The following CTNND2 variants were observed in gnomAD, a reference collection of about 807,000 sequenced individuals.
CTNND2 encodes catenin delta-2.
Under a neutral mutation model 144.4 loss-of-function variants are expected in CTNND2, and 22 were observed. That is an observed-to-expected ratio of 0.15 (90% CI 0.11 to 0.22). The LOEUF (loss-of-function observed/expected upper bound fraction) is 0.22, where lower values mean the gene tolerates loss of function less well. CTNND2 is among the 10% of genes least tolerant of loss of function. CTNND2 has a pLI of 1.00. For synonymous variants in CTNND2, 751 were observed against 695.6 expected (o/e 1.08, Z -1.25); for missense variants, 1,353 against 1,618.8 (o/e 0.84, Z 2.82).
chr5:11,539,438 T>C lies in CTNND2; in HGVS notation c.287+25506A>G, dbSNP rs185362796. ...TACAGAGCTCTCAGCCCTAATTAAG[T>C]GTGGTGTCCACCTAGCTACTTATCA... On this transcript the variant is annotated intron_variant, in intron 3 of 21. Transcript: ENST00000304623. 5.5e-4 allele frequency among the ~76,000 whole-genome samples: 83 copies of C among 152,292 alleles called. 1 individual carries two copies. The highest frequency in any genetic ancestry group is 4.6e-3 in the South Asian group (22 of 4,830).
At chr5:11,488,216 T>G (rs1769026971) in intron 3 of CTNND2, among the ~76,000 whole-genome samples, 1 of 152,234 alleles carries the variant, frequency 6.6e-6, no homozygotes, top group African/African-American at 2.4e-5. Flanking sequence ...TTAAATTTTT[T>G]TATAACGTTT....
chr5:11,594,806 A>G (rs1261375428), intron 2 of CTNND2, among the ~76,000 whole-genome samples: 17 of 152,214 alleles, frequency 1.1e-4, no homozygotes, highest in Admixed American at 1.1e-3. Flanking sequence ...AAGCTTTAAC[A>G]TGAAATAGGT....
At chr5:11,188,528 T>C (rs1248802499) in intron 11 of CTNND2, among the ~76,000 whole-genome samples, 1 of 152,114 alleles carries the variant, frequency 6.6e-6, no homozygotes, top group African/African-American at 2.4e-5. Flanking sequence ...AGATGATGGG[T>C]TGCTAGGTGT....
chr5:11,438,005 T>C (rs10044905), intron 3 of CTNND2, among the ~76,000 whole-genome samples: 23,560 of 152,118 alleles, frequency 0.15, 2,834 homozygotes, highest in African/African-American at 0.34. Context: ...CTCAGCATTC[T>C]CAGGGTATGT....
chr5:11,328,448 C>T (rs1316695244), intron 9 of CTNND2, among the ~76,000 whole-genome samples: 2 of 151,932 alleles, frequency 1.3e-5, no homozygotes, highest in Non-Finnish European at 2.9e-5. Flanking sequence ...TGCTTGTCAC[C>T]AGACCTTTTT....
At chr5:11,297,949 T>C (rs2150027377) in intron 9 of CTNND2, among the ~76,000 whole-genome samples, 1 of 152,266 alleles carries the variant, frequency 6.6e-6, no homozygotes. Flanking sequence ...GCACCTTCAA[T>C]ATTGGGCTAA....
intron 11 of CTNND2, among the ~76,000 whole-genome samples, chr5:11,196,313 C>T (rs1417775606): frequency 2.0e-5 from 3 of 152,156 alleles, no homozygotes; most frequent in Admixed American, 2.0e-4. Context: ...TCCTAGTCTA[C>T]AAATAAGTAA....
intron 1 of CTNND2, among the ~76,000 whole-genome samples, chr5:11,800,157 A>G (rs1042547733): frequency 3.9e-5 from 6 of 152,322 alleles, no homozygotes; most frequent in East Asian, 1.9e-4. Flanking sequence ...CTGAAACATA[A>G]TAAGTGTTGA....
intron 18 of CTNND2, among the ~76,000 whole-genome samples, chr5:10,996,616 T>C (rs1369669947): frequency 2.6e-5 from 4 of 152,098 alleles, no homozygotes; most frequent in Admixed American, 2.6e-4. Flanking sequence ...TATTTTTCTT[T>C]TGAGACAGAG....
Position 11,021,743 on chromosome 5 carries a change from A to G in CTNND2, c.2999+1026T>C, listed in dbSNP as rs371730292. The stretch of plus-strand genomic sequence containing the variant: ...TGAAATAATGAGACAGAATTTCCAG[A>G]AAGTTTCAAAGTGCGTCCCTCAAAG... On this transcript the variant is annotated intron_variant, in intron 17 of 21. Coordinates refer to ENST00000304623, the MANE Select transcript of CTNND2 (RefSeq NM_001332.4). Among the ~76,000 whole-genome samples, 5 of 152,244 alleles carry G rather than the reference A, an allele frequency of 3.3e-5. No individual in the cohort carries two copies. In the East Asian group the frequency reaches 9.6e-4, roughly 29 times the overall value.
At chr5:11,446,058 G>A (rs923290004) in intron 3 of CTNND2, among the ~76,000 whole-genome samples, 3 of 152,116 alleles carry the variant, frequency 2.0e-5, no homozygotes, top group Admixed American at 6.5e-5. Context: ...TGCAGCCTTC[G>A]CCTCCAGGGT....
At chr5:11,501,295 AAG>A (rs1421290991) in intron 3 of CTNND2, among the ~76,000 whole-genome samples, 1 of 152,250 alleles carries the variant, frequency 6.6e-6, no homozygotes, top group Admixed American at 6.5e-5. Flanking sequence ...CACATGCTCC[AAG>A]AACAAGACAG....
At chr5:11,587,080 C>T (rs973736815) in intron 2 of CTNND2, among the ~76,000 whole-genome samples, 2 of 151,988 alleles carry the variant, frequency 1.3e-5, no homozygotes, top group African/African-American at 4.8e-5. Flanking sequence ...ATACTGTGTC[C>T]TATAGTTTGA....
Position 11,432,202 on chromosome 5 carries a change from T to A in CTNND2, c.288-20133A>T, listed in dbSNP as rs142972277. Reference sequence around the variant, plus strand: ...ATTGTAGTTTGAAATGGAAATGATATACAAATTATAAATTAATACCTGGCA... The same window carrying A: ...ATTGTAGTTTGAAATGGAAATGATAAACAAATTATAAATTAATACCTGGCA... On this transcript the variant is annotated intron_variant, in intron 3 of 21. Transcript: ENST00000304623. 7.7e-4 allele frequency among the ~76,000 whole-genome samples: 111 copies of A among 143,790 alleles called. 3 individuals are homozygous for A. In the East Asian group the frequency reaches 0.017, roughly 22 times the overall value. 94.3% of individuals were successfully genotyped at this position (143,790 alleles called of 152,430 possible).
intron 5 of CTNND2, among the ~76,000 whole-genome samples, chr5:11,401,192 A>C (rs1298323145): frequency 6.6e-6 from 1 of 152,144 alleles, no homozygotes; most frequent in Admixed American, 6.5e-5. Context: ...CAATACAGAC[A>C]CTATATAACA....
chr5:11,863,572 C>T (rs1795604258), intron 1 of CTNND2, among the ~76,000 whole-genome samples: 1 of 152,116 alleles, frequency 6.6e-6, no homozygotes, highest in Non-Finnish European at 1.5e-5. Flanking sequence ...GTGAAAGAAC[C>T]TCCTTTTTAA....
chr5:11,748,731 G>A (rs1407312246), intron 1 of CTNND2, among the ~76,000 whole-genome samples: 1 of 151,918 alleles, frequency 6.6e-6, no homozygotes, highest in Non-Finnish European at 1.5e-5. Context: ...TATCTTATCT[G>A]CTTATTATTT....
intron 16 of CTNND2, 127 bp downstream of exon 16, chr5:11,082,569 T>C (rs943161042): frequency 1.7e-5 from 18 of 1,084,096 alleles, no homozygotes; most frequent in African/African-American, 4.7e-5. Flanking sequence ...GCAGAAAAAA[T>C]GAGGCTGCTA....
chr5:11,362,195 G>C (rs1454594322), intron 8 of CTNND2, among the ~76,000 whole-genome samples: 2 of 130,964 alleles, frequency 1.5e-5, no homozygotes, highest in East Asian at 4.4e-4. Flanking sequence ...AAGATATTGG[G>C]AAGCAAACTT....
Sources: gnomAD v4.1 joint callset for allele counts (sites outside exome capture counted in the v4.1 genomes callset) on GRCh38, gnomAD v4.1.1 for gene constraint, MANE v1.5 for transcripts, NCBI Gene and HGNC (gene_info 2026-07-23, HGNC 2026-07-21) for gene names.